TCF12: variants seen among roughly 807,000 people sequenced by gnomAD.
The protein encoded by TCF12 is transcription factor 12.
Under a neutral mutation model 86.0 loss-of-function variants are expected in TCF12, and 45 were observed. The ratio of observed to expected loss-of-function variants is 0.52; its 90% CI spans 0.41 to 0.67. The LOEUF is 0.67. Ranked by LOEUF, TCF12 falls within the 30% of genes least tolerant of loss-of-function variation. The pLI is 0.00. For synonymous variants in TCF12, 330 were observed against 299.6 expected, an observed-to-expected ratio of 1.10 and a Z score of -1.05; for missense variants, 881 against 859.9, an observed-to-expected ratio of 1.02 and a Z score of -0.31.
intron 8 of TCF12, among the ~76,000 whole-genome samples, chr15:57,216,644 C>A (rs1566929585): frequency 6.7e-6 from 1 of 149,776 alleles, no homozygotes. Context: ...GCATTTTTTT[C>A]CTGTAATATG....
At chr15:57,116,924 T>C (rs1475033197) in intron 5 of TCF12, among the ~76,000 whole-genome samples, 1 of 152,158 alleles carries the variant, frequency 6.6e-6, no homozygotes, top group East Asian at 1.9e-4. Flanking sequence ...TGACTCCCTT[T>C]TTTGGGTGTG....
In TCF12 at chr15:56,943,728, A is replaced by G. The variant is rs189039735; in HGVS notation, c.148+22630A>G. Among the ~76,000 whole-genome samples, 203 of 152,302 alleles carry G rather than the reference A, an allele frequency of 1.3e-3. 2 individuals carry two copies. Among genetic ancestry groups the G allele is most frequent in the African/African-American group, 4.5e-3 (188 of 41,582 alleles). ...GTGGTTTAATATCCTGTTACCAAAT[A>G]TCTCACTTATTTAATATAAAAATTT... On this transcript the variant is annotated intron_variant, in intron 3 of 20. Coordinates refer to ENST00000333725, the MANE Select transcript of TCF12 (RefSeq NM_207037.2).
At chr15:57,170,647 ATATAT>A (rs1307381520) in intron 6 of TCF12, among the ~76,000 whole-genome samples, 1 of 51,516 alleles carries the variant, frequency 1.9e-5, no homozygotes, top group Non-Finnish European at 3.6e-5. Context: ...TATATAATAT[ATATAT>A]TATATAAAAT....
At chr15:57,064,439 A>G (rs1210307033) in intron 4 of TCF12, among the ~76,000 whole-genome samples, 1 of 152,198 alleles carries the variant, frequency 6.6e-6, no homozygotes, top group Non-Finnish European at 1.5e-5. Flanking sequence ...TAGATCAAAG[A>G]ATTGGAATAA....
intron 5 of TCF12, among the ~76,000 whole-genome samples, chr15:57,145,775 A>G (rs1409472793): frequency 6.6e-6 from 1 of 152,162 alleles, no homozygotes; most frequent in Admixed American, 6.5e-5. Flanking sequence ...TCTAAAAGCT[A>G]ACTCTATGCC....
intron 8 of TCF12, chr15:57,219,296 C>G (rs1275464194): frequency 8.2e-7 from 1 of 1,219,004 alleles, no homozygotes. Context: ...TTGGTATCCT[C>G]CACCAATGCA....
intron 3 of TCF12, among the ~76,000 whole-genome samples, chr15:56,972,111 G>C (rs1272102130): frequency 2.0e-5 from 3 of 152,186 alleles, no homozygotes; most frequent in Admixed American, 2.0e-4. Context: ...AAAGAAGTGA[G>C]TTACCTATGC....
At chr15:57,158,530 T>G (rs1174545147) in intron 5 of TCF12, among the ~76,000 whole-genome samples, 2 of 152,150 alleles carry the variant, frequency 1.3e-5, no homozygotes, top group African/African-American at 2.4e-5. Flanking sequence ...GACTGTGTGC[T>G]TTTATCAGGG....
chr15:57,018,978 C>T (rs533933197), intron 3 of TCF12, among the ~76,000 whole-genome samples: 2 of 151,918 alleles, frequency 1.3e-5, no homozygotes, highest in Non-Finnish European at 2.9e-5. Flanking sequence ...CTAAGGCTTA[C>T]GAGACAATTA....
At chr15:56,953,953 G>T (rs1192611226) in intron 3 of TCF12, among the ~76,000 whole-genome samples, 3 of 133,700 alleles carry the variant, frequency 2.2e-5, no homozygotes, top group African/African-American at 8.4e-5. Context: ...GCATTCTCTT[G>T]CTTAGTTTGG....
chr15:57,022,047 CT>C lies in TCF12; in HGVS notation c.149-41695del, dbSNP rs532439352. Among the ~76,000 whole-genome samples, 18 of 148,976 alleles carry C rather than the reference CT, an allele frequency of 1.2e-4. No individual in the cohort carries two copies. The East Asian group carries it at 1.4e-3, about 11-fold the overall frequency. ...TCAATATTTGTCAGGCAGATCTTTT[CT>C]TTTTTTTATGTATGTATGTATGTAT... is the stretch of plus-strand genomic sequence containing the variant. On this transcript the variant is annotated intron_variant, in intron 3 of 20. Coordinates refer to ENST00000333725, the MANE Select transcript of TCF12 (RefSeq NM_207037.2).
At position 57,243,448 on chromosome 15, in the gene TCF12, G is replaced by A. The variant is rs372532482; in HGVS notation, c.1036-24G>A. The A allele has an allele frequency of 2.1e-5, 34 of 1,595,866 alleles. No homozygotes were observed. In the African/African-American group the frequency reaches 3.6e-4, roughly 17 times the overall value. On this transcript the variant is annotated intron_variant, in intron 12 of 20. Transcript: ENST00000333725. Reference sequence around the variant, plus strand: ...GTGCTGTTGTCACATGTTGATACATGTATATTTCTTGTTTTCTGGTTAGAT... The same window carrying A: ...GTGCTGTTGTCACATGTTGATACATATATATTTCTTGTTTTCTGGTTAGAT...
At chr15:57,215,789 T>C (rs1275970922) in intron 8 of TCF12, among the ~76,000 whole-genome samples, 1 of 152,130 alleles carries the variant, frequency 6.6e-6, no homozygotes, top group Non-Finnish European at 1.5e-5. Context: ...CATTTAAAAA[T>C]AGCTATAACT....
intron 5 of TCF12, among the ~76,000 whole-genome samples, chr15:57,158,302 C>G (rs746024510): frequency 7.9e-5 from 12 of 151,888 alleles, no homozygotes; most frequent in Admixed American, 2.0e-4. Context: ...TCTCAGCCCC[C>G]CTGGTAGCTG....
chr15:57,224,431 T>C (rs922415123), intron 8 of TCF12, among the ~76,000 whole-genome samples: 3 of 152,136 alleles, frequency 2.0e-5, no homozygotes, highest in African/African-American at 7.2e-5. Flanking sequence ...TAAAATGTGC[T>C]TGATTTTCCT....
At position 56,928,859 on chromosome 15, in the gene TCF12, A is replaced by G. The variant is rs571189158; in HGVS notation, c.148+7761A>G. Among the ~76,000 whole-genome samples the G allele has an allele frequency of 2.6e-5, 4 of 152,322 alleles. No homozygotes were observed. The East Asian group carries it at 5.8e-4, about 22-fold the overall frequency. On this transcript the variant is annotated intron_variant, in intron 3 of 20. Transcript: ENST00000333725. ...AATAAAAATTACTTGACTGGAAAGG[A>G]TAGAACGCCTGGGAACAGGTTGGAG... is the stretch of plus-strand genomic sequence containing the variant.
chr15:56,963,691 C>G (rs1464533232), intron 3 of TCF12, among the ~76,000 whole-genome samples: 1 of 152,236 alleles, frequency 6.6e-6, no homozygotes, highest in South Asian at 2.1e-4. Context: ...AACCTTCTCT[C>G]ACCCTTTTGG....
At chr15:57,186,072 A>T (rs1414989829) in intron 6 of TCF12, among the ~76,000 whole-genome samples, 3 of 152,244 alleles carry the variant, frequency 2.0e-5, no homozygotes, top group Non-Finnish European at 2.9e-5. Context: ...AAAAAAATTG[A>T]ATAATCTGGA....
At chr15:57,073,894 G>A (rs374456726) in intron 4 of TCF12, among the ~76,000 whole-genome samples, 2 of 151,904 alleles carry the variant, frequency 1.3e-5, no homozygotes, top group Admixed American at 6.6e-5. Flanking sequence ...GACTACAGGC[G>A]CCCACCACCA....
Sources: allele counts gnomAD v4.1 joint callset (sites outside exome capture counted in the v4.1 genomes callset), GRCh38; gene constraint gnomAD v4.1.1; transcripts MANE v1.5; gene names NCBI Gene and HGNC (gene_info 2026-07-23, HGNC 2026-07-21).